Variants in TRHDE observed in about 807,000 individuals in gnomAD.
TRHDE encodes thyrotropin releasing hormone degrading enzyme.
Under a neutral mutation model 125.7 loss-of-function variants are expected in TRHDE, and 72 were observed. That is an observed-to-expected ratio of 0.57 (90% confidence interval 0.47 to 0.70). The LOEUF is 0.70. Among genes scored for constraint, TRHDE ranks in the 30% least tolerant of loss-of-function variants. The pLI is 0.00. For synonymous variants in TRHDE, 509 were observed against 509.1 expected (o/e 1.00, Z 0.00); for missense variants, 1,110 against 1,327.1 (o/e 0.84, Z 2.54).
At chr12:72,237,651 G>A (rs1307366776) in intron 2 of TRHDE, among the ~76,000 whole-genome samples, 5 of 152,048 alleles carry the variant, frequency 3.3e-5, no homozygotes, top group South Asian at 2.1e-4. Context: ...TCTCTCTCCC[G>A]CCACCTTGTA....
chr12:72,335,462 C>T lies in TRHDE; in HGVS notation c.1189-42533C>T, dbSNP rs138555904. On this transcript the variant is annotated intron_variant, in intron 2 of 18. Transcript: ENST00000261180. The stretch of plus-strand genomic sequence containing the variant: ...AAGATAAAGTAGACAGGAACCAAAA[C>T]GAGACATTTGGCACCAAACACCAAA... Among the ~76,000 whole-genome samples, 39 of 152,252 alleles carry T rather than the reference C, an allele frequency of 2.6e-4. 1 individual carries two copies. The East Asian group carries it at 5.2e-3, about 20-fold the overall frequency.
At chr12:72,164,545 C>G (rs1447701383) in intron 2 of TRHDE, among the ~76,000 whole-genome samples, 2 of 152,226 alleles carry the variant, frequency 1.3e-5, no homozygotes, top group Middle Eastern at 3.4e-3. Context: ...CCTGTGGTGG[C>G]AGGCTGGACA....
chr12:72,518,582 G>T (rs1000981591), intron 6 of TRHDE, among the ~76,000 whole-genome samples: 1 of 152,010 alleles, frequency 6.6e-6, no homozygotes, highest in African/African-American at 2.4e-5. Flanking sequence ...ACACTGATGG[G>T]TCTTGACTCT....
At chr12:72,611,971 A>G (rs760053398) in intron 12 of TRHDE, among the ~76,000 whole-genome samples, 1 of 152,178 alleles carries the variant, frequency 6.6e-6, no homozygotes, top group African/African-American at 2.4e-5. Flanking sequence ...CAAAAGAGAA[A>G]AACAATCCGA....
intron 3 of TRHDE, among the ~76,000 whole-genome samples, chr12:72,411,429 A>G (rs569576472): frequency 7.8e-4 from 119 of 152,190 alleles, no homozygotes; most frequent in African/African-American, 2.8e-3. Flanking sequence ...TTGGGAATAA[A>G]TCTAACAAAG....
At chr12:72,545,770 T>C (rs924544450) in intron 7 of TRHDE, among the ~76,000 whole-genome samples, 12 of 151,712 alleles carry the variant, frequency 7.9e-5, no homozygotes, top group African/African-American at 2.9e-4. Flanking sequence ...TTGTTCACTT[T>C]CATAATTGGC....
At chr12:72,330,679 A>G (rs769382249) in intron 2 of TRHDE, among the ~76,000 whole-genome samples, 3 of 152,252 alleles carry the variant, frequency 2.0e-5, no homozygotes, top group Non-Finnish European at 4.4e-5. Flanking sequence ...TACACAGGGC[A>G]GGACAGTTTA....
At chr12:72,382,606 A>G (rs984366249) in intron 3 of TRHDE, among the ~76,000 whole-genome samples, 4 of 152,194 alleles carry the variant, frequency 2.6e-5, no homozygotes, top group African/African-American at 7.2e-5. Context: ...AAATTGAAAT[A>G]AATAAATAAA....
chr12:72,147,730 C>G (rs1876262280), intron 2 of TRHDE: 1 of 152,192 alleles, frequency 6.6e-6, no homozygotes, highest in East Asian at 1.9e-4. Context: ...TTCCATCTCC[C>G]AACCTTTATA....
At chr12:72,598,622 C>G (rs1204785229) in intron 12 of TRHDE, among the ~76,000 whole-genome samples, 2 of 152,076 alleles carry the variant, frequency 1.3e-5, no homozygotes, top group Non-Finnish European at 2.9e-5. Context: ...TAAATGGAAG[C>G]CACAAGGGTC....
intron 2 of TRHDE, among the ~76,000 whole-genome samples, chr12:72,183,080 T>C (rs886743339): frequency 1.3e-5 from 2 of 152,212 alleles, no homozygotes; most frequent in South Asian, 2.1e-4. Flanking sequence ...TTCTTCTTAG[T>C]ATGGGTTCTG....
chr12:72,150,562 C>A (rs1194947031), intron 2 of TRHDE, among the ~76,000 whole-genome samples: 1 of 120,292 alleles, frequency 8.3e-6, no homozygotes, highest in East Asian at 2.7e-4. Context: ...CCCCACCCGA[C>A]AACAGGCTCT....
At chr12:72,347,820 T>C (rs1413071009) in intron 2 of TRHDE, among the ~76,000 whole-genome samples, 6 of 152,054 alleles carry the variant, frequency 3.9e-5, no homozygotes, top group Non-Finnish European at 8.8e-5. Flanking sequence ...ATCACAGTCT[T>C]GTCTAACTCA....
rs919819657 is a variant in TRHDE, at chr12:72,663,084, A to T, written c.3099A>T (p.Val1033=). ...LKNFMKNYDG[V]AAASFSRAVE... is the part of the protein sequence containing the mutation. ...ACTTCATGAAAAACTATGATGGGGT[A>T]GCTGCTGCTTCTTTCTCACGAGCTG... is the stretch of plus-strand genomic sequence containing the variant. Residue 1033 remains valine (V), a synonymous_variant, in exon 19 of 19, where the codon GTA becomes GTT. Transcript: ENST00000261180. 1.9e-6 allele frequency: 3 copies of T among 1,612,718 alleles called. No individual in the cohort carries two copies. Among genetic ancestry groups the T allele is most frequent in the Non-Finnish European group, 2.5e-6 (3 of 1,179,278 alleles).
In TRHDE at chr12:72,425,759, CTAAT is replaced by C. The variant is rs143925674; in HGVS notation, c.1316-43995_1316-43992del. Reference sequence around the variant, plus strand: ...GCCTCTTATTATTGGTGGAAATTAACTAATTAACTAGTTAATTAATTAATTTACT... The same window carrying C: ...GCCTCTTATTATTGGTGGAAATTAACTAACTAGTTAATTAATTAATTTACT... On this transcript the variant is annotated intron_variant, in intron 3 of 18. Transcript: ENST00000261180. 7.2e-3 allele frequency among the ~76,000 whole-genome samples: 1,096 copies of C among 152,052 alleles called. 19 individuals carry two copies. The highest frequency in any genetic ancestry group is 0.024 in the Middle Eastern group (7 of 294).
chr12:72,410,090 A>G (rs756024813), intron 3 of TRHDE, among the ~76,000 whole-genome samples: 6 of 152,098 alleles, frequency 3.9e-5, no homozygotes, highest in Non-Finnish European at 8.8e-5. Context: ...AAAAGATCAC[A>G]GATACCATAC....
chr12:72,146,269 C>A (rs181725620), intron 2 of TRHDE, among the ~76,000 whole-genome samples: 1 of 152,296 alleles, frequency 6.6e-6, no homozygotes, highest in African/African-American at 2.4e-5. Flanking sequence ...TCCGTGTTTC[C>A]TCACTCTTAG....
chr12:72,469,062 A>AT (rs1284416990), intron 3 of TRHDE, among the ~76,000 whole-genome samples: 5 of 152,156 alleles, frequency 3.3e-5, no homozygotes, highest in African/African-American at 1.2e-4. Flanking sequence ...GCTGGAAGGC[A>AT]TTTTAGAGAT....
At chr12:72,195,402 A>G (rs997096225) in intron 2 of TRHDE, among the ~76,000 whole-genome samples, 2 of 152,050 alleles carry the variant, frequency 1.3e-5, no homozygotes, top group African/African-American at 4.8e-5. Flanking sequence ...TCACAGCTTC[A>G]CTAGCATCTG....
Sources: allele counts gnomAD v4.1 joint callset (sites outside exome capture counted in the v4.1 genomes callset), GRCh38; gene constraint gnomAD v4.1.1; transcripts MANE v1.5; gene names NCBI Gene and HGNC (gene_info 2026-07-23, HGNC 2026-07-21).